Variants in AP3S1 observed in about 807,000 individuals in gnomAD.
AP3S1 encodes the protein adaptor related protein complex 3 subunit sigma 1.
Under a neutral mutation model 21.3 loss-of-function variants are expected in AP3S1, and 12 were observed. The ratio of observed to expected loss-of-function variants is 0.56; its 90% CI spans 0.36 to 0.91. The LOEUF is 0.91. Among genes scored for constraint, AP3S1 ranks in the 40% least tolerant of loss-of-function variants. The pLI, the probability that AP3S1 is intolerant of heterozygous loss-of-function variation, is 0.01. For synonymous variants in AP3S1, 48 were observed against 78.4 expected, an observed-to-expected ratio of 0.61 and a Z score of 2.05; for missense variants, 116 against 225.0, an observed-to-expected ratio of 0.52 and a Z score of 3.10.
chr5:115,886,336 G>T (rs924472457), intron 3 of AP3S1, among the ~76,000 whole-genome samples: 1 of 151,830 alleles, frequency 6.6e-6, no homozygotes, highest in Non-Finnish European at 1.5e-5. Context: ...TGCCTCTCGT[G>T]CCTCCCATTC....
At chr5:115,857,657 A>G (rs911827132) in intron 1 of AP3S1, among the ~76,000 whole-genome samples, 2 of 152,152 alleles carry the variant, frequency 1.3e-5, no homozygotes, top group African/African-American at 4.8e-5. Context: ...TGCTGATTTC[A>G]GTGTTTATGT....
chr5:115,859,037 C>G (rs1339221924), intron 1 of AP3S1, among the ~76,000 whole-genome samples: 1 of 151,974 alleles, frequency 6.6e-6, no homozygotes, highest in Non-Finnish European at 1.5e-5. Flanking sequence ...TGGTGGTTTG[C>G]TGCACCTATA....
intron 1 of AP3S1, among the ~76,000 whole-genome samples, chr5:115,856,642 C>CATTGTT (rs56133528): frequency 1.3e-5 from 2 of 151,310 alleles, no homozygotes; most frequent in African/African-American, 2.4e-5. Flanking sequence ...GTTTTTAAAA[C>CATTGTT]GTTGTTGTTG....
chr5:115,874,135 A>G (rs1243921485), intron 3 of AP3S1, among the ~76,000 whole-genome samples: 1 of 152,122 alleles, frequency 6.6e-6, no homozygotes, highest in African/African-American at 2.4e-5. Flanking sequence ...TACCCAAACG[A>G]ATGATCAGTT....
intron 2 of AP3S1, among the ~76,000 whole-genome samples, chr5:115,869,527 T>G (rs7707539): frequency 0.38 from 58,514 of 151,992 alleles, 11,894 homozygotes; most frequent in African/African-American, 0.49. Context: ...TGATGAAATG[T>G]CCTTTTAGTA....
At chr5:115,905,164 T>G (rs1217283211) in intron 5 of AP3S1, among the ~76,000 whole-genome samples, 1 of 152,226 alleles carries the variant, frequency 6.6e-6, no homozygotes, top group African/African-American at 2.4e-5. Context: ...ATGTGCTATA[T>G]TGACAAAAGT....
chr5:115,905,844 T>C (rs1375491630), intron 5 of AP3S1, among the ~76,000 whole-genome samples: 1 of 152,152 alleles, frequency 6.6e-6, no homozygotes, highest in Non-Finnish European at 1.5e-5. Flanking sequence ...TAAAATGTAT[T>C]ATATAAGGAC....
chr5:115,843,020 A>G (rs1258666640), intron 1 of AP3S1, among the ~76,000 whole-genome samples: 1 of 152,222 alleles, frequency 6.6e-6, no homozygotes, highest in Admixed American at 6.5e-5. Flanking sequence ...AGTATGGACA[A>G]GTGCAGGAGG....
At chr5:115,894,734 C>G (rs187871258) in intron 3 of AP3S1, among the ~76,000 whole-genome samples, 135 of 152,284 alleles carry the variant, frequency 8.9e-4, no homozygotes, top group Middle Eastern at 3.4e-3. Flanking sequence ...TGCCTTACCT[C>G]TCTTGATGGA....
At chr5:115,879,833 C>G (rs547581623) in intron 3 of AP3S1, among the ~76,000 whole-genome samples, 9 of 152,176 alleles carry the variant, frequency 5.9e-5, no homozygotes, top group African/African-American at 2.2e-4. Flanking sequence ...CTGTCTGGTC[C>G]TGGGCTTTTT....
chr5:115,844,687 G>C (rs1020762676), intron 1 of AP3S1, among the ~76,000 whole-genome samples: 19 of 152,128 alleles, frequency 1.2e-4, no homozygotes, highest in African/African-American at 4.3e-4. Flanking sequence ...CCTTTCCATT[G>C]CCACGTGTAC....
intron 1 of AP3S1, among the ~76,000 whole-genome samples, chr5:115,863,230 C>G (rs1210606276): frequency 6.6e-6 from 1 of 152,054 alleles, no homozygotes; most frequent in African/African-American, 2.4e-5. Context: ...AACCTCGTCT[C>G]TACTAAAAAT....
At chr5:115,865,389 C>A (rs1464538135) in intron 1 of AP3S1, among the ~76,000 whole-genome samples, 4 of 152,104 alleles carry the variant, frequency 2.6e-5, no homozygotes, top group Admixed American at 2.0e-4. Flanking sequence ...CATGGGGGAT[C>A]AGCATCCCTA....
At chr5:115,909,505 C>G (rs1205531953) in intron 5 of AP3S1, among the ~76,000 whole-genome samples, 1 of 152,082 alleles carries the variant, frequency 6.6e-6, no homozygotes, top group South Asian at 2.1e-4. Flanking sequence ...CATGATCATT[C>G]TTTTATATAC....
At chr5:115,842,217 C>T (rs551305651) in intron 1 of AP3S1, 111 bp downstream of exon 1, 9 of 1,395,116 alleles carry the variant, frequency 6.5e-6, no homozygotes, top group African/African-American at 3.0e-5. Context: ...GCCCTTGTCC[C>T]GTCCCGGCCG....
At position 115,877,859 on chromosome 5, in the gene AP3S1, T is replaced by C. The variant is rs535374742; in HGVS notation, c.273+7731T>C. The stretch of plus-strand genomic sequence containing the variant: ...CTGTTTCTTCACATCCTCGCCAGCA[T>C]CTGTTGTTTCCTGACTTTTTAATGA... On this transcript the variant is annotated intron_variant, in intron 3 of 5. Transcript: ENST00000316788. Among the ~76,000 whole-genome samples, 435 of 152,282 alleles carry C rather than the reference T, an allele frequency of 2.9e-3. 2 individuals carry two copies. Among genetic ancestry groups the C allele is most frequent in the African/African-American group, 9.9e-3 (412 of 41,564 alleles).
intron 4 of AP3S1, 21 bp from the exon 5 acceptor site, chr5:115,902,864 A>C: frequency 1.0e-6 from 1 of 969,642 alleles, no homozygotes; most frequent in Non-Finnish European, 1.5e-6. Flanking sequence ...TTATGGGTAT[A>C]TATTCTTTTA....
At chr5:115,899,555 T>A (rs1751039454) in intron 4 of AP3S1, among the ~76,000 whole-genome samples, 1 of 152,202 alleles carries the variant, frequency 6.6e-6, no homozygotes. Flanking sequence ...CCCAAAGCAT[T>A]GAGATTACAG....
chr5:115,872,536 C>A (rs1231307704), intron 3 of AP3S1, among the ~76,000 whole-genome samples: 14 of 151,930 alleles, frequency 9.2e-5, no homozygotes, highest in African/African-American at 2.9e-4. Flanking sequence ...AGGTAGAATA[C>A]AAATTTTTCA....
Sources: gnomAD v4.1 joint callset for allele counts (sites outside exome capture counted in the v4.1 genomes callset) on GRCh38, gnomAD v4.1.1 for gene constraint, MANE v1.5 for transcripts, NCBI Gene and HGNC (gene_info 2026-07-23, HGNC 2026-07-21) for gene names.